The following ADAMTSL1 variants were observed in gnomAD, a reference collection of about 807,000 sequenced individuals.
ADAMTSL1 encodes ADAMTS-like protein 1.
Under a neutral mutation model 201.8 loss-of-function variants are expected in ADAMTSL1, and 126 were observed. The ratio of observed to expected loss-of-function variants is 0.62; its 90% confidence interval spans 0.54 to 0.72. The LOEUF (loss-of-function observed/expected upper bound fraction) is 0.72. ADAMTSL1 is among the 30% of genes least tolerant of loss of function. The pLI is 0.00. For missense variants in ADAMTSL1, 2,679 were observed against 2,277.8 expected, an observed-to-expected ratio of 1.18 and a Z score of -3.59; for synonymous variants, 1,121 against 903.4, an observed-to-expected ratio of 1.24 and a Z score of -4.32.
intron 1 of ADAMTSL1, among the ~76,000 whole-genome samples, chr9:18,080,841 GC>G (rs1340975374): frequency 2.0e-5 from 3 of 152,082 alleles, no homozygotes; most frequent in Non-Finnish European, 4.4e-5. Context: ...ACACAGAAGT[GC>G]CCATTTAGAC....
intron 12 of ADAMTSL1, among the ~76,000 whole-genome samples, chr9:18,683,252 T>C (rs1303207267): frequency 1.6e-5 from 2 of 126,230 alleles, no homozygotes; most frequent in East Asian, 2.4e-4. Context: ...TGAGACGGAG[T>C]CTCACTCTGT....
At chr9:18,248,038 G>C (rs867184414) in intron 2 of ADAMTSL1, among the ~76,000 whole-genome samples, 2 of 152,126 alleles carry the variant, frequency 1.3e-5, no homozygotes, top group African/African-American at 4.8e-5. Flanking sequence ...CATTCAAAAG[G>C]TTTCTCATTT....
At chr9:18,739,488 G>C (rs1475980038) in intron 15 of ADAMTSL1, among the ~76,000 whole-genome samples, 1 of 152,088 alleles carries the variant, frequency 6.6e-6, no homozygotes, top group Non-Finnish European at 1.5e-5. Context: ...AAACAAATGA[G>C]GGATTTAATA....
At chr9:18,098,863 A>G (rs1341458192) in intron 1 of ADAMTSL1, among the ~76,000 whole-genome samples, 1 of 152,168 alleles carries the variant, frequency 6.6e-6, no homozygotes, top group Non-Finnish European at 1.5e-5. Context: ...AGCTCACTGA[A>G]CTACAATAGA....
At chr9:17,959,256 C>T (rs906033458) in intron 1 of ADAMTSL1, among the ~76,000 whole-genome samples, 4 of 152,028 alleles carry the variant, frequency 2.6e-5, no homozygotes, top group African/African-American at 9.7e-5. Flanking sequence ...TGTCATTTGT[C>T]ATGTAATATG....
chr9:18,335,307 C>T (rs949765465), intron 2 of ADAMTSL1, among the ~76,000 whole-genome samples: 10 of 152,000 alleles, frequency 6.6e-5, no homozygotes, highest in African/African-American at 1.7e-4. Flanking sequence ...ATTTTCCTCT[C>T]GTTCTTTTTT....
intron 2 of ADAMTSL1, among the ~76,000 whole-genome samples, chr9:18,185,482 A>C (rs541112655): frequency 1.9e-4 from 29 of 152,242 alleles, no homozygotes; most frequent in African/African-American, 6.7e-4. Context: ...ACCCACAGAA[A>C]CTGTGAATTT....
At chr9:18,600,877 G>A (rs1373998126) in intron 4 of ADAMTSL1, among the ~76,000 whole-genome samples, 1 of 152,096 alleles carries the variant, frequency 6.6e-6, no homozygotes, top group Non-Finnish European at 1.5e-5. Context: ...CTTATTCTTG[G>A]AACTATACAT....
intron 2 of ADAMTSL1, among the ~76,000 whole-genome samples, chr9:18,215,317 A>C (rs1830020889): frequency 6.6e-6 from 1 of 152,238 alleles, no homozygotes; most frequent in African/African-American, 2.4e-5. Flanking sequence ...GATTCAAAAA[A>C]GATTATCTAA....
chr9:18,634,287 G>A (rs1411357687), intron 5 of ADAMTSL1, among the ~76,000 whole-genome samples: 1 of 152,152 alleles, frequency 6.6e-6, no homozygotes, highest in Non-Finnish European at 1.5e-5. Context: ...GAACAGGCCA[G>A]GTGCAGTGGC....
At chr9:18,200,678 G>A (rs1025498636) in intron 2 of ADAMTSL1, among the ~76,000 whole-genome samples, 27 of 152,076 alleles carry the variant, frequency 1.8e-4, no homozygotes, top group African/African-American at 5.8e-4. Flanking sequence ...ATAAAGTAAT[G>A]TAAATTAATA....
At chr9:18,614,984 A>G (rs2132629504) in intron 4 of ADAMTSL1, among the ~76,000 whole-genome samples, 1 of 152,298 alleles carries the variant, frequency 6.6e-6, no homozygotes, top group South Asian at 2.1e-4. Context: ...TTTTATAGCT[A>G]AAAGACCTGA....
At chr9:18,373,642 C>G (rs1407163940) in intron 2 of ADAMTSL1, among the ~76,000 whole-genome samples, 2 of 152,124 alleles carry the variant, frequency 1.3e-5, no homozygotes, top group East Asian at 3.9e-4. Context: ...GAGATCTACA[C>G]TTGACACCAC....
intron 1 of ADAMTSL1, among the ~76,000 whole-genome samples, chr9:18,116,707 A>G (rs1587087179): frequency 6.6e-6 from 1 of 152,104 alleles, no homozygotes; most frequent in East Asian, 1.9e-4. Flanking sequence ...TGGTTTAAAT[A>G]CTTTTTTAAA....
chr9:18,473,955 T>TCGCAC, upstream of ADAMTSL1: 1 of 408,204 alleles, frequency 2.4e-6, no homozygotes, highest in East Asian at 3.8e-5. Context: ...CCTTTTTTGC[T>TCGCAC]CGCACCGTTA....
chr9:17,945,119 GA>G (rs1468804381), intron 1 of ADAMTSL1, among the ~76,000 whole-genome samples: 2 of 113,520 alleles, frequency 1.8e-5, no homozygotes, highest in African/African-American at 3.4e-5. Flanking sequence ...AAATTTACAA[GA>G]AAAAAACAAA....
At position 18,777,530 on chromosome 9, in the gene ADAMTSL1, G is replaced by C. The variant is rs1308005060; in HGVS notation, c.3301G>C (p.Val1101Leu). ...ELRDLYSKHL[V>L]AQLAQEIFRS... The stretch of plus-strand genomic sequence containing the variant: ...GCGCGACCTCTACAGCAAGCACCTG[G>C]TGGCCCAGCTGGCCCAGGAGATCTT... The change falls in exon 19 of 29, where the codon GTG becomes CTG. Residue 1101 changes from valine to leucine, a missense_variant. By Grantham distance (32) the Val-to-Leu change is conservative. Transcript: ENST00000380548. 1.2e-6 allele frequency: 2 copies of C among 1,602,662 alleles called. No individual in the cohort carries two copies. The highest frequency in any genetic ancestry group is 2.7e-5 in the African/African-American group (2 of 74,636).
intron 1 of ADAMTSL1, among the ~76,000 whole-genome samples, chr9:17,973,263 G>C (rs13291311): frequency 6.9e-6 from 1 of 144,262 alleles, no homozygotes; most frequent in South Asian, 2.3e-4. Context: ...GAATGGTATT[G>C]CCTAGGTTTT....
chr9:18,064,371 G>T (rs1303359224), intron 1 of ADAMTSL1, among the ~76,000 whole-genome samples: 1 of 152,152 alleles, frequency 6.6e-6, no homozygotes, highest in Non-Finnish European at 1.5e-5. Context: ...GAGCCACTTG[G>T]AATTTGAGAA....
Sources: allele counts gnomAD v4.1 joint callset (sites outside exome capture counted in the v4.1 genomes callset), GRCh38; gene constraint gnomAD v4.1.1; transcripts MANE v1.5; gene names NCBI Gene and HGNC (gene_info 2026-07-23, HGNC 2026-07-21).